Variants in PDE6A observed in about 807,000 individuals in gnomAD.
PDE6A encodes phosphodiesterase 6A, also known as rod cGMP-specific 3',5'-cyclic phosphodiesterase subunit alpha.
Under a neutral mutation model 106.3 loss-of-function variants are expected in PDE6A, and 84 were observed. That is an observed-to-expected ratio of 0.79 (90% confidence interval 0.66 to 0.95). The LOEUF (loss-of-function observed/expected upper bound fraction) is 0.95. Ranked by LOEUF, PDE6A falls within the 40% of genes least tolerant of loss-of-function variation. The pLI is 0.00. For missense variants in PDE6A, 1,052 were observed against 1,084.9 expected (o/e 0.97, Z 0.43); for synonymous variants, 394 against 386.6 (o/e 1.02, Z -0.23).
chr5:149,937,858 A>T (rs902322371), intron 1 of PDE6A, among the ~76,000 whole-genome samples: 2 of 152,200 alleles, frequency 1.3e-5, no homozygotes, highest in Non-Finnish European at 2.9e-5. Context: ...TAACTCTCAC[A>T]TCAGCCCTGC....
chr5:149,876,444 C>T (rs189051290), intron 17 of PDE6A, among the ~76,000 whole-genome samples: 109 of 149,048 alleles, frequency 7.3e-4, no homozygotes, highest in African/African-American at 1.4e-3. Context: ...TAGCCTGAAA[C>T]TCCTGGGCTC....
At chr5:149,918,854 C>G (rs1240460694) in intron 5 of PDE6A, among the ~76,000 whole-genome samples, 1 of 152,046 alleles carries the variant, frequency 6.6e-6, no homozygotes. Context: ...AACTCCTGGC[C>G]TTAAGTGATC....
chr5:149,901,560 A>C (rs977752716), intron 8 of PDE6A, among the ~76,000 whole-genome samples: 6 of 152,142 alleles, frequency 3.9e-5, no homozygotes, highest in Non-Finnish European at 7.4e-5. Flanking sequence ...AACAAACAAA[A>C]AACAACATTA....
chr5:149,925,904 A>T (rs1222579130), intron 4 of PDE6A, among the ~76,000 whole-genome samples: 3 of 152,144 alleles, frequency 2.0e-5, no homozygotes, highest in Admixed American at 6.5e-5. Flanking sequence ...TTTTATAAAC[A>T]TACTGAAATT....
At chr5:149,876,942 GAT>G (rs1561694623) in intron 17 of PDE6A, among the ~76,000 whole-genome samples, 2 of 151,232 alleles carry the variant, frequency 1.3e-5, no homozygotes, top group Non-Finnish European at 2.9e-5. Context: ...TACATAGATA[GAT>G]AGATGATAGA....
At chr5:149,870,819 T>C (rs1429667497) in intron 17 of PDE6A, among the ~76,000 whole-genome samples, 1 of 103,446 alleles carries the variant, frequency 9.7e-6, no homozygotes, top group Non-Finnish European at 1.9e-5. Flanking sequence ...CTAAGTAGAA[T>C]GGCAGAAAAA....
chr5:149,911,709 T>A (rs13357484), intron 6 of PDE6A, among the ~76,000 whole-genome samples: 9,225 of 152,172 alleles, frequency 0.061, 402 homozygotes, highest in African/African-American at 0.12. Context: ...TATATTTTTT[T>A]AAATTATTGG....
chr5:149,914,140 A>G (rs1226057640), intron 6 of PDE6A, among the ~76,000 whole-genome samples: 1 of 152,176 alleles, frequency 6.6e-6, no homozygotes, highest in Non-Finnish European at 1.5e-5. Context: ...CAGACAAACC[A>G]CTTACTGGCC....
rs1283866522 is a variant in PDE6A, at chr5:149,863,343, A to C, written c.2359-77T>G. 1 of 1,447,556 alleles carries C rather than the reference A, an allele frequency of 6.9e-7. No homozygotes were observed. The highest frequency in any genetic ancestry group is 1.7e-5 in the Admixed American group (1 of 58,064). The allele number at this position is 1,447,556 out of a possible 1,614,324, so 89.7% of individuals were successfully genotyped here. On this transcript the variant is annotated intron_variant, in intron 20 of 21. Coordinates refer to ENST00000255266, the MANE Select transcript of PDE6A (RefSeq NM_000440.3). This position sits in a 1 kb window ranked among gnomAD's most constrained non-coding sequence, Gnocchi z 4.7. ...GGCTCAAGCGGGTGGCACAGCTGGA[A>C]ACGTCCAACACTGGAATGAGCTGCT...
chr5:149,941,199 A>T (rs1581215904), intron 1 of PDE6A, among the ~76,000 whole-genome samples: 1 of 152,232 alleles, frequency 6.6e-6, no homozygotes, highest in African/African-American at 2.4e-5. Context: ...TGTGCCAGAC[A>T]CTGTGCTGGG....
chr5:149,870,877 G>GAGAA (rs10535051), intron 17 of PDE6A, among the ~76,000 whole-genome samples: 1 of 132,912 alleles, frequency 7.5e-6, no homozygotes, highest in African/African-American at 3.5e-5. Flanking sequence ...GAGAAAGAAA[G>GAGAA]AGAAAGAAAG....
intron 5 of PDE6A, among the ~76,000 whole-genome samples, chr5:149,920,540 A>G (rs1348697296): frequency 6.6e-6 from 1 of 152,264 alleles, no homozygotes; most frequent in Non-Finnish European, 1.5e-5. Context: ...AGATCACGCC[A>G]TTGCACTCCA....
At chr5:149,908,640 A>T (rs1581191626) in intron 6 of PDE6A, among the ~76,000 whole-genome samples, 1 of 152,060 alleles carries the variant, frequency 6.6e-6, no homozygotes, top group African/African-American at 2.4e-5. Flanking sequence ...CATGTCTTTT[A>T]CTCATTTTTA....
intron 4 of PDE6A, among the ~76,000 whole-genome samples, chr5:149,926,271 T>C (rs1319107290): frequency 6.6e-6 from 1 of 151,828 alleles, no homozygotes; most frequent in Non-Finnish European, 1.5e-5. Flanking sequence ...AAAAAACATA[T>C]ATATATACCA....
intron 3 of PDE6A, chr5:149,932,400 G>A (rs1754060234): frequency 2.2e-6 from 3 of 1,366,000 alleles, no homozygotes; most frequent in African/African-American, 2.9e-5. Flanking sequence ...ACGAGGTGCT[G>A]TTTTTAGTGC....
At chr5:149,871,199 G>A (rs1048531045) in intron 17 of PDE6A, among the ~76,000 whole-genome samples, 17 of 152,264 alleles carry the variant, frequency 1.1e-4, no homozygotes, top group African/African-American at 3.6e-4. Flanking sequence ...CCCCATCGTG[G>A]GGTCATGGGC....
rs555098322 is a variant in PDE6A, at chr5:149,864,530, C to G, written c.2359-1264G>C. Among the ~76,000 whole-genome samples the G allele has an allele frequency of 2.0e-5, 3 of 152,248 alleles. No individual in the cohort carries two copies. The South Asian group carries it at 6.2e-4, about 32-fold the overall frequency. On this transcript the variant is annotated intron_variant, in intron 20 of 21. Coordinates refer to ENST00000255266, the MANE Select transcript of PDE6A (RefSeq NM_000440.3). The stretch of plus-strand genomic sequence containing the variant: ...GTGCTGGGATTACAGGCATGAGCCA[C>G]CTAGAAGATGATTCTTAAAGGCTCT...
At chr5:149,920,996 A>AAG (rs1554091222) in intron 5 of PDE6A, among the ~76,000 whole-genome samples, 2 of 91,652 alleles carry the variant, frequency 2.2e-5, no homozygotes, top group East Asian at 3.5e-4. Flanking sequence ...GAAAGAAAGA[A>AAG]AAAGAAAGAA....
intron 1 of PDE6A, among the ~76,000 whole-genome samples, chr5:149,934,979 CTT>C (rs1458740863): frequency 6.6e-6 from 1 of 152,042 alleles, no homozygotes; most frequent in Non-Finnish European, 1.5e-5. Flanking sequence ...GGGGGACTGA[CTT>C]TGCCTGGAGA....
Sources: gnomAD v4.1 joint callset for allele counts (sites outside exome capture counted in the v4.1 genomes callset) on GRCh38, gnomAD v4.1.1 for gene constraint, Gnocchi (gnomAD v3.1) non-coding constraint, MANE v1.5 for transcripts, NCBI Gene and HGNC (gene_info 2026-07-23, HGNC 2026-07-21) for gene names.